The following PRKG1 variants were observed in gnomAD, a reference collection of about 807,000 sequenced individuals.
The protein encoded by PRKG1 is protein kinase cGMP-dependent 1.
In PRKG1, 35 loss-of-function variants were observed where a neutral mutation model predicts 88.1. The observed-to-expected ratio is 0.40, with a 90% CI of 0.30 to 0.53. PRKG1 has a LOEUF of 0.53. Ranked by LOEUF, PRKG1 falls within the 20% of genes least tolerant of loss-of-function variation. The pLI is 0.59. For missense variants in PRKG1, 540 were observed against 839.8 expected (o/e 0.64, Z 4.41); for synonymous variants, 303 against 292.5 (o/e 1.04, Z -0.37).
At chr10:52,110,741 T>C (rs1438606233) in intron 7 of PRKG1, among the ~76,000 whole-genome samples, 3 of 152,178 alleles carry the variant, frequency 2.0e-5, no homozygotes, top group Admixed American at 6.5e-5. Context: ...GATTGCTCAA[T>C]AGATTATTCA....
chr10:52,064,029 G>A (rs1286565084), intron 7 of PRKG1, among the ~76,000 whole-genome samples: 2 of 152,190 alleles, frequency 1.3e-5, no homozygotes, highest in Non-Finnish European at 2.9e-5. Context: ...TTGTCCATGG[G>A]ACTGGCAGCC....
At position 51,467,756 on chromosome 10, in the gene PRKG1, A is replaced by G; in HGVS notation, c.512A>G (p.Lys171Arg). 2.5e-6 allele frequency: 4 copies of G among 1,612,788 alleles called. No individual in the cohort carries two copies. Among genetic ancestry groups the G allele is most frequent in the Non-Finnish European group, 3.4e-6 (4 of 1,178,952 alleles). The change falls in exon 3 of 18, where the codon AAG becomes AGG. Residue 171 changes from lysine (K) to arginine (R), a missense_variant. Lys to Arg is a conservative substitution (Grantham distance 26). This residue lies in a region of PRKG1 where 400 missense variants were observed against 562.7 expected (regional missense o/e 0.71). Coordinates refer to ENST00000373980, the MANE Select transcript of PRKG1 (RefSeq NM_006258.4). ...GTTGAAGTTACAAAAGAAGGTGTGA[A>G]GTTGTGTACCATGGGTCCAGGAAAA... Reference protein sequence around the residue: ...GKVEVTKEGVKLCTMGPGKVF... With the variant: ...GKVEVTKEGVRLCTMGPGKVF...
intron 2 of PRKG1, among the ~76,000 whole-genome samples, chr10:51,208,976 C>A (rs1474740650): frequency 6.6e-6 from 1 of 152,106 alleles, no homozygotes; most frequent in Admixed American, 6.6e-5. Flanking sequence ...ATAAACACTG[C>A]AGAGTTTACT....
chr10:51,187,325 T>G (rs976839515), intron 2 of PRKG1, among the ~76,000 whole-genome samples: 1 of 151,896 alleles, frequency 6.6e-6, no homozygotes, highest in Admixed American at 6.6e-5. Flanking sequence ...ATAAGGGCAA[T>G]GAAGTAAGTC....
intron 4 of PRKG1, among the ~76,000 whole-genome samples, chr10:51,882,024 A>G (rs2132881633): frequency 6.6e-6 from 1 of 152,328 alleles, no homozygotes; most frequent in Admixed American, 6.5e-5. Context: ...ATCCATGAGG[A>G]TGACTAAAAT....
upstream of PRKG1, among the ~76,000 whole-genome samples, chr10:51,073,480 C>T (rs2132800626): frequency 6.6e-6 from 1 of 152,006 alleles, no homozygotes; most frequent in Admixed American, 6.6e-5. Context: ...ATTTTTAACC[C>T]CCACCCTCTC....
Position 52,255,776 on chromosome 10 carries a change from C to A in PRKG1, c.1173+4110C>A, listed in dbSNP as rs138126432. On this transcript the variant is annotated intron_variant, in intron 10 of 17. Transcript: ENST00000373980. Reference sequence around the variant, plus strand: ...TTCTGAGGCAGAGGGAGAGTTAAGGCATCAACATAAGTAACCTGATGCATT... The same window carrying A: ...TTCTGAGGCAGAGGGAGAGTTAAGGAATCAACATAAGTAACCTGATGCATT... Among the ~76,000 whole-genome samples the A allele has an allele frequency of 6.1e-3, 932 of 152,000 alleles. 12 individuals are homozygous for A. The highest frequency in any genetic ancestry group is 0.021 in the African/African-American group (889 of 41,498).
At chr10:51,182,571 A>T (rs546927931) in intron 2 of PRKG1, among the ~76,000 whole-genome samples, 15 of 152,296 alleles carry the variant, frequency 9.8e-5, no homozygotes, top group Middle Eastern at 3.4e-3. Context: ...ATAGCATGTC[A>T]CAGGGGTTAG....
At chr10:51,291,376 C>G (rs1425660890) in intron 2 of PRKG1, among the ~76,000 whole-genome samples, 2 of 152,062 alleles carry the variant, frequency 1.3e-5, no homozygotes. Context: ...GTCTCTGGGC[C>G]CCACTCGGAT....
At chr10:51,334,069 C>T (rs1588851048) in intron 2 of PRKG1, among the ~76,000 whole-genome samples, 1 of 151,896 alleles carries the variant, frequency 6.6e-6, no homozygotes, top group East Asian at 1.9e-4. Context: ...TATGTCTCAT[C>T]TCTTGCCTCT....
chr10:51,496,977 A>G (rs1840877117), intron 3 of PRKG1, among the ~76,000 whole-genome samples: 1 of 152,148 alleles, frequency 6.6e-6, no homozygotes, highest in Non-Finnish European at 1.5e-5. Context: ...ATTTTAGCAA[A>G]ATGACTTCAA....
chr10:51,748,024 C>A lies in PRKG1; in HGVS notation c.593-56561C>A, dbSNP rs188306537. 2.5e-3 allele frequency among the ~76,000 whole-genome samples: 374 copies of A among 152,282 alleles called. 1 individual carries two copies. Among genetic ancestry groups the A allele is most frequent in the Middle Eastern group, 0.02 (6 of 294 alleles). ...ATAGCAGTAGAGCCAGAACTCCTGA[C>A]CTTCAGTACTATTGTCTTTCTACTA... On this transcript the variant is annotated intron_variant, in intron 3 of 17. Transcript: ENST00000373980.
chr10:51,242,040 G>A (rs895521009), intron 2 of PRKG1, among the ~76,000 whole-genome samples: 7 of 151,746 alleles, frequency 4.6e-5, no homozygotes, highest in African/African-American at 9.7e-5. Context: ...TGCTGAATAA[G>A]GTGGGAAGCT....
intron 3 of PRKG1, among the ~76,000 whole-genome samples, chr10:51,718,837 CAAAA>C (rs111373816): frequency 7.3e-6 from 1 of 136,732 alleles, no homozygotes; most frequent in Non-Finnish European, 1.6e-5. Context: ...TTAATGAGTG[CAAAA>C]AAAAAAAAAA....
intron 12 of PRKG1, among the ~76,000 whole-genome samples, chr10:52,280,215 A>G (rs1389834982): frequency 6.6e-6 from 1 of 152,198 alleles, no homozygotes; most frequent in African/African-American, 2.4e-5. Context: ...AGAAGTTTCA[A>G]AAACAGAAGA....
intron 4 of PRKG1, among the ~76,000 whole-genome samples, chr10:51,821,471 A>T (rs764692337): frequency 3.2e-4 from 48 of 151,882 alleles, no homozygotes; most frequent in Non-Finnish European, 6.5e-4. Flanking sequence ...TAAAAAATAT[A>T]AAAAAAGAGG....
chr10:52,171,146 GTTT>G (rs777572088), intron 9 of PRKG1, among the ~76,000 whole-genome samples: 2 of 78,106 alleles, frequency 2.6e-5, no homozygotes, highest in Non-Finnish European at 7.0e-5. Flanking sequence ...TTTTGGTTTT[GTTT>G]TTTTTTTTGC....
In PRKG1 at chr10:51,617,281, A is replaced by C. The variant is rs1043962144; in HGVS notation, c.592+149445A>C. On this transcript the variant is annotated intron_variant, in intron 3 of 17. Coordinates refer to ENST00000373980, the MANE Select transcript of PRKG1 (RefSeq NM_006258.4). ...TTAGGTATGCCTTCTTCTTCCTTCT[A>C]TTAGGTGTATCCTGTCACTTTTCTG... 2.6e-5 allele frequency among the ~76,000 whole-genome samples: 4 copies of C among 151,968 alleles called. No individual in the cohort carries two copies. In the East Asian group the frequency reaches 7.7e-4, roughly 29 times the overall value.
intron 10 of PRKG1, among the ~76,000 whole-genome samples, chr10:52,261,347 C>T (rs991189679): frequency 2.6e-5 from 4 of 151,974 alleles, no homozygotes; most frequent in African/African-American, 9.7e-5. Context: ...AGAAGAGAGA[C>T]CCTCTCTTGA....
Sources: allele counts gnomAD v4.1 joint callset (sites outside exome capture counted in the v4.1 genomes callset), GRCh38; gene constraint gnomAD v4.1.1; regional missense constraint gnomAD v4.1.1; transcripts MANE v1.5; gene names NCBI Gene and HGNC (gene_info 2026-07-23, HGNC 2026-07-21).